MCOLN2: variants seen among roughly 807,000 people sequenced by gnomAD.
The protein encoded by MCOLN2 is mucolipin TRP cation channel 2.
Under a neutral mutation model 67.5 loss-of-function variants are expected in MCOLN2, and 57 were observed. That is an observed-to-expected ratio of 0.84 (90% CI 0.68 to 1.05). The LOEUF is 1.05. MCOLN2 is among the 50% of genes least tolerant of loss of function. The pLI, the probability that MCOLN2 is intolerant of heterozygous loss-of-function variation, is 0.00. For synonymous variants in MCOLN2, 246 were observed against 233.3 expected, an observed-to-expected ratio of 1.05 and a Z score of -0.50; for missense variants, 620 against 678.8, an observed-to-expected ratio of 0.91 and a Z score of 0.96.
intron 2 of MCOLN2, 24 bp downstream of exon 2, chr1:84,965,525 A>C: frequency 6.2e-7 from 1 of 1,606,744 alleles, no homozygotes; most frequent in South Asian, 1.1e-5. Context: ...GGGAAAAACC[A>C]AATGAAATAA....
At chr1:84,985,789 T>C (rs968144165) in intron 1 of MCOLN2, among the ~76,000 whole-genome samples, 2 of 152,136 alleles carry the variant, frequency 1.3e-5, no homozygotes, top group African/African-American at 2.4e-5. Flanking sequence ...AAAGAAATCA[T>C]AGATGACACA....
intron 7 of MCOLN2, among the ~76,000 whole-genome samples, chr1:84,946,028 T>C (rs1406920585): frequency 6.6e-6 from 1 of 152,132 alleles, no homozygotes; most frequent in Non-Finnish European, 1.5e-5. Flanking sequence ...GGATTACAGG[T>C]GTGAGCCACT....
chr1:84,953,235 G>GA lies in MCOLN2; in HGVS notation c.566-706dup, dbSNP rs538588280. On this transcript the variant is annotated intron_variant, in intron 4 of 13. Transcript: ENST00000370608. ...CAGGAGAAATATTTATGCATAGAAA[G>GA]AATGATCAAGCAAATGTGATAAAAT... Among the ~76,000 whole-genome samples the GA allele has an allele frequency of 7.3e-3, 1,108 of 152,250 alleles. 6 individuals are homozygous for GA. Among genetic ancestry groups the GA allele is most frequent in the Non-Finnish European group, 0.011 (743 of 68,012 alleles).
At chr1:84,930,395 A>C (rs1661351107) in intron 12 of MCOLN2, among the ~76,000 whole-genome samples, 1 of 152,014 alleles carries the variant, frequency 6.6e-6, no homozygotes, top group South Asian at 2.1e-4. Context: ...ACTTTTATGG[A>C]AGTTGGTCGC....
intron 1 of MCOLN2, among the ~76,000 whole-genome samples, chr1:84,986,409 GGC>G (rs1249414795): frequency 7.9e-5 from 12 of 152,070 alleles, no homozygotes; most frequent in African/African-American, 2.4e-4. Context: ...GCATGGTGGT[GGC>G]GCATGCCTAT....
intron 9 of MCOLN2, among the ~76,000 whole-genome samples, chr1:84,938,632 G>A (rs1293823925): frequency 1.3e-5 from 2 of 152,204 alleles, no homozygotes; most frequent in East Asian, 3.8e-4. Flanking sequence ...CACGACCCCA[G>A]AGCAAAGACA....
At chr1:84,949,647 A>G (rs191521683) in intron 6 of MCOLN2, among the ~76,000 whole-genome samples, 46 of 152,340 alleles carry the variant, frequency 3.0e-4, no homozygotes, top group Admixed American at 1.6e-3. Context: ...TCCGTCTCAA[A>G]AAATAAAAAT....
chr1:84,963,873 C>T (rs756764698), intron 2 of MCOLN2, among the ~76,000 whole-genome samples: 1 of 152,070 alleles, frequency 6.6e-6, no homozygotes, highest in Non-Finnish European at 1.5e-5. Context: ...GGAGAACACA[C>T]TAATACAGAT....
chr1:84,957,407 T>C (rs1371782529), intron 3 of MCOLN2, among the ~76,000 whole-genome samples: 1 of 152,188 alleles, frequency 6.6e-6, no homozygotes. Context: ...ACTTTACTAT[T>C]CCTGAAAATT....
chr1:84,966,945 A>G (rs1173277687), intron 1 of MCOLN2, among the ~76,000 whole-genome samples: 1 of 152,244 alleles, frequency 6.6e-6, no homozygotes, highest in African/African-American at 2.4e-5. Flanking sequence ...CAACACAGCA[A>G]TATAACTTAC....
intron 7 of MCOLN2, among the ~76,000 whole-genome samples, chr1:84,944,486 C>T (rs1647978841): frequency 6.6e-6 from 1 of 151,882 alleles, no homozygotes; most frequent in African/African-American, 2.4e-5. Flanking sequence ...TGAGCAAGAT[C>T]GTGCCACTGC....
rs186414066 is a variant in MCOLN2 at position 84,942,348 on chromosome 1, C to T, written c.848-1357G>A. Among the ~76,000 whole-genome samples, 20 of 152,200 alleles carry T rather than the reference C, an allele frequency of 1.3e-4. No homozygotes were observed. The East Asian group carries it at 2.9e-3, about 22-fold the overall frequency. Reference sequence around the variant, plus strand: ...GGGAAAGAACATGGTCTCTGGAGCCCGACAGCCTGGCTCTGAATCTCAGCT... The same window carrying T: ...GGGAAAGAACATGGTCTCTGGAGCCTGACAGCCTGGCTCTGAATCTCAGCT... On this transcript the variant is annotated intron_variant, in intron 7 of 13. Coordinates refer to ENST00000370608, the MANE Select transcript of MCOLN2 (RefSeq NM_153259.4).
chr1:84,934,142 T>A (rs1040372704), intron 11 of MCOLN2, among the ~76,000 whole-genome samples: 1 of 152,202 alleles, frequency 6.6e-6, no homozygotes, highest in African/African-American at 2.4e-5. Flanking sequence ...CTCTCTCTGC[T>A]TCTTGTTTGT....
At chr1:84,978,523 G>A (rs955320527) in intron 1 of MCOLN2, among the ~76,000 whole-genome samples, 2 of 151,950 alleles carry the variant, frequency 1.3e-5, no homozygotes, top group African/African-American at 4.8e-5. Flanking sequence ...AAATGAAAAA[G>A]GAGACATTAC....
At chr1:84,956,226 C>G (rs1292802219) in intron 4 of MCOLN2, among the ~76,000 whole-genome samples, 3 of 152,114 alleles carry the variant, frequency 2.0e-5, no homozygotes, top group Non-Finnish European at 4.4e-5. Context: ...CAAACAGATC[C>G]ACAAATGCTG....
chr1:84,975,120 C>G (rs1649932809), intron 1 of MCOLN2, among the ~76,000 whole-genome samples: 1 of 152,178 alleles, frequency 6.6e-6, no homozygotes, highest in Non-Finnish European at 1.5e-5. Flanking sequence ...GCTCAGCATC[C>G]TGGAGGGAAG....
chr1:84,982,933 G>A (rs563980675), intron 1 of MCOLN2, among the ~76,000 whole-genome samples: 2 of 152,208 alleles, frequency 1.3e-5, no homozygotes, highest in Non-Finnish European at 2.9e-5. Flanking sequence ...GGCCAGGCTG[G>A]TCTCGAACTC....
At chr1:84,952,749 C>T (rs1005635018) in intron 4 of MCOLN2, among the ~76,000 whole-genome samples, 1 of 152,182 alleles carries the variant, frequency 6.6e-6, no homozygotes, top group Admixed American at 6.5e-5. Flanking sequence ...AGTTACATCA[C>T]AGTAATGAGA....
Position 84,926,510 on chromosome 1 carries a change from A to G in MCOLN2, c.*175T>C. 2.2e-6 allele frequency: 1 copy of G among 447,592 alleles called. No individual in the cohort carries two copies. The highest frequency in any genetic ancestry group is 4.0e-6 in the Non-Finnish European group (1 of 248,750). 27.7% of individuals were successfully genotyped at this position (447,592 alleles called of 1,614,324 possible). On this transcript the variant is annotated 3_prime_UTR_variant, in exon 14 of 14. Coordinates refer to ENST00000370608, the MANE Select transcript of MCOLN2 (RefSeq NM_153259.4). ...GGTCTATTCTTTATCATTCAAGTTT[A>G]TAAAAAGTAAAGCTGGAACTTCAGT... is the stretch of plus-strand genomic sequence containing the variant.
Sources: gnomAD v4.1 joint callset for allele counts (sites outside exome capture counted in the v4.1 genomes callset) on GRCh38, gnomAD v4.1.1 for gene constraint, MANE v1.5 for transcripts, NCBI Gene and HGNC (gene_info 2026-07-23, HGNC 2026-07-21) for gene names.